Variants in NME7 observed in about 807,000 individuals in gnomAD.
The protein encoded by NME7 is nucleoside diphosphate kinase 7.
Under a neutral mutation model 49.1 loss-of-function variants are expected in NME7, and 41 were observed. The ratio of observed to expected loss-of-function variants is 0.83; its 90% CI spans 0.65 to 1.08. The LOEUF (loss-of-function observed/expected upper bound fraction) is 1.08, where lower values mean the gene tolerates loss of function less well. NME7 is among the 50% of genes least tolerant of loss of function. The pLI, the probability that NME7 is intolerant of heterozygous loss-of-function variation, is 0.00. For missense variants in NME7, 423 were observed against 463.4 expected, an observed-to-expected ratio of 0.91 and a Z score of 0.80; for synonymous variants, 139 against 150.6, an observed-to-expected ratio of 0.92 and a Z score of 0.56.
intron 11 of NME7, among the ~76,000 whole-genome samples, chr1:169,134,533 CTT>C (rs548154460): frequency 4.9e-4 from 74 of 152,270 alleles, no homozygotes; most frequent in Middle Eastern, 3.4e-3. Context: ...AAAGGATTCT[CTT>C]TTCAACCCTT....
intron 7 of NME7, among the ~76,000 whole-genome samples, chr1:169,281,962 T>C (rs769524152): frequency 1.3e-5 from 2 of 152,208 alleles, no homozygotes; most frequent in African/African-American, 2.4e-5. Flanking sequence ...GCTGGCCTCA[T>C]TTTATGAGTT....
intron 1 of NME7, among the ~76,000 whole-genome samples, chr1:169,361,960 C>G (rs886718057): frequency 9.9e-5 from 15 of 152,190 alleles, no homozygotes; most frequent in African/African-American, 3.6e-4. Context: ...GTAATCCCAG[C>G]ACTTGGGGAA....
intron 3 of NME7, among the ~76,000 whole-genome samples, chr1:169,315,192 C>T (rs1018274514): frequency 6.6e-6 from 1 of 151,680 alleles, no homozygotes; most frequent in African/African-American, 2.4e-5. Flanking sequence ...CAGACTTCAC[C>T]TAATGAATAA....
chr1:169,279,777 TGTCACTCACACTGG>T (rs2101886589), intron 7 of NME7, among the ~76,000 whole-genome samples: 1 of 152,328 alleles, frequency 6.6e-6, no homozygotes, highest in Admixed American at 6.5e-5. Context: ...CCATCTTCTG[TGTCACTCACACTGG>T]GAGCTGTAGA....
intron 10 of NME7, among the ~76,000 whole-genome samples, chr1:169,221,182 CTA>C (rs1661133073): frequency 6.6e-6 from 1 of 152,158 alleles, no homozygotes. Context: ...CTCACCATGT[CTA>C]TTACCACCAT....
At chr1:169,302,077 T>TAA (rs1553254398) in intron 5 of NME7, 1 of 151,456 alleles carries the variant, frequency 6.6e-6, no homozygotes, top group Non-Finnish European at 1.5e-5. Context: ...TGATTTTTTT[T>TAA]TAAAAAAAAA....
At chr1:169,363,866 G>A (rs1653752948) in intron 1 of NME7, among the ~76,000 whole-genome samples, 2 of 152,130 alleles carry the variant, frequency 1.3e-5, no homozygotes, top group Non-Finnish European at 2.9e-5. Context: ...AGGAGGAGTG[G>A]GAACAGGAGT....
chr1:169,295,208 G>A (rs1650662400), intron 6 of NME7, among the ~76,000 whole-genome samples: 1 of 152,062 alleles, frequency 6.6e-6, no homozygotes, highest in Non-Finnish European at 1.5e-5. Context: ...AAATGACCCA[G>A]CCTCAGGTAT....
At chr1:169,351,841 C>A (rs574517138) in intron 1 of NME7, among the ~76,000 whole-genome samples, 12 of 151,948 alleles carry the variant, frequency 7.9e-5, no homozygotes, top group African/African-American at 2.9e-4. Flanking sequence ...CAAAAACTTC[C>A]TACACACATA....
intron 10 of NME7, among the ~76,000 whole-genome samples, chr1:169,172,896 G>A (rs971177828): frequency 6.6e-6 from 1 of 152,090 alleles, no homozygotes; most frequent in African/African-American, 2.4e-5. Flanking sequence ...TGTTTTGTGA[G>A]CCTATTTTAG....
intron 1 of NME7, among the ~76,000 whole-genome samples, chr1:169,362,994 C>A (rs983907499): frequency 6.6e-6 from 1 of 151,966 alleles, no homozygotes; most frequent in Non-Finnish European, 1.5e-5. Flanking sequence ...AATCCCAACA[C>A]TTTGAGAGGC....
At chr1:169,326,753 T>G (rs1383521876) in intron 1 of NME7, among the ~76,000 whole-genome samples, 1 of 152,202 alleles carries the variant, frequency 6.6e-6, no homozygotes, top group African/African-American at 2.4e-5. Flanking sequence ...TTAAAAGATG[T>G]ACCTGGAGAT....
intron 7 of NME7, among the ~76,000 whole-genome samples, chr1:169,269,577 G>A (rs1387216793): frequency 7.5e-6 from 1 of 133,620 alleles, no homozygotes; most frequent in East Asian, 2.0e-4. Context: ...GAGGTTGCAT[G>A]CATCTACCAG....
At chr1:169,203,579 G>A (rs944012379) in intron 10 of NME7, among the ~76,000 whole-genome samples, 2 of 152,044 alleles carry the variant, frequency 1.3e-5, no homozygotes, top group Non-Finnish European at 2.9e-5. Context: ...TAAAGCAGAG[G>A]ACATAAAAGC....
intron 6 of NME7, among the ~76,000 whole-genome samples, chr1:169,290,876 C>A (rs1333515991): frequency 1.3e-5 from 2 of 152,084 alleles, no homozygotes; most frequent in Non-Finnish European, 2.9e-5. Context: ...AGACACTTCT[C>A]AAATGAAGAC....
chr1:169,335,352 T>C (rs983339041), intron 1 of NME7, among the ~76,000 whole-genome samples: 126 of 152,202 alleles, frequency 8.3e-4, no homozygotes, highest in Non-Finnish European at 1.6e-3. Flanking sequence ...ATGTGGTACA[T>C]ATACACCATG....
At chr1:169,236,459 T>C (rs895798569) in intron 8 of NME7, among the ~76,000 whole-genome samples, 6 of 152,136 alleles carry the variant, frequency 3.9e-5, no homozygotes, top group Non-Finnish European at 7.4e-5. Flanking sequence ...AATTATTTTT[T>C]TCATTAGTAC....
At chr1:169,340,623 A>G (rs1652653618) in intron 1 of NME7, among the ~76,000 whole-genome samples, 1 of 152,242 alleles carries the variant, frequency 6.6e-6, no homozygotes, top group Non-Finnish European at 1.5e-5. Flanking sequence ...GACTTCCTAA[A>G]GAATTGTTGA....
At chr1:169,242,094 T>C (rs1434345308) in intron 7 of NME7, among the ~76,000 whole-genome samples, 2 of 151,906 alleles carry the variant, frequency 1.3e-5, no homozygotes, top group African/African-American at 4.8e-5. Flanking sequence ...TGGCTAAACA[T>C]AAAAATTATT....
Sources: gnomAD v4.1 joint callset for allele counts (sites outside exome capture counted in the v4.1 genomes callset) on GRCh38, gnomAD v4.1.1 for gene constraint, MANE v1.5 for transcripts, NCBI Gene and HGNC (gene_info 2026-07-23, HGNC 2026-07-21) for gene names.